The following SLC7A7 variants were observed in gnomAD, a reference collection of about 807,000 sequenced individuals.
SLC7A7 encodes solute carrier family 7 member 7, also known as Y+L amino acid transporter 1.
A neutral mutation model predicts 47.9 loss-of-function variants in SLC7A7; 39 were observed. That is an observed-to-expected ratio of 0.81 (90% CI 0.63 to 1.06). SLC7A7 has a LOEUF of 1.06. Ranked by LOEUF, SLC7A7 falls within the 50% of genes least tolerant of loss-of-function variation. The pLI is 0.00. For synonymous variants in SLC7A7, 234 were observed against 242.8 expected, an observed-to-expected ratio of 0.96 and a Z score of 0.34; for missense variants, 588 against 632.0, an observed-to-expected ratio of 0.93 and a Z score of 0.75.
chr14:22,777,483 G>A (rs1438033085), intron 4 of SLC7A7, among the ~76,000 whole-genome samples: 1 of 152,042 alleles, frequency 6.6e-6, no homozygotes, highest in East Asian at 1.9e-4. Flanking sequence ...CCTAACTGGT[G>A]GGCAAAAGAA....
At chr14:22,785,826 T>C (rs1432220248) in intron 2 of SLC7A7, among the ~76,000 whole-genome samples, 5 of 148,062 alleles carry the variant, frequency 3.4e-5, no homozygotes, top group African/African-American at 1.3e-4. Context: ...ATCAAGACCA[T>C]CCTGGCTAAC....
intron 2 of SLC7A7, among the ~76,000 whole-genome samples, chr14:22,798,302 AAAGAAG>A (rs34641571): frequency 2.0e-5 from 3 of 151,600 alleles, no homozygotes; most frequent in South Asian, 2.1e-4. Context: ...TGTCAAAAAA[AAAGAAG>A]AAGAAGAAGG....
chr14:22,782,543 C>T (rs147604149), intron 2 of SLC7A7, among the ~76,000 whole-genome samples: 2,584 of 151,828 alleles, frequency 0.017, 69 homozygotes, highest in African/African-American at 0.058. Context: ...CTCACTGCAA[C>T]CCCCACTTCC....
At chr14:22,784,336 G>A (rs557494058) in intron 2 of SLC7A7, among the ~76,000 whole-genome samples, 5 of 152,220 alleles carry the variant, frequency 3.3e-5, no homozygotes, top group Admixed American at 6.5e-5. Flanking sequence ...GAAGTCACTC[G>A]TGGCCGGGTG....
intron 2 of SLC7A7, among the ~76,000 whole-genome samples, chr14:22,786,418 G>A (rs546801052): frequency 2.6e-5 from 4 of 152,232 alleles, no homozygotes; most frequent in South Asian, 4.1e-4. Flanking sequence ...GTGGCTTCCA[G>A]ACCCCTCACC....
rs1491190196 is a variant in SLC7A7 at position 22,795,385 on chromosome 14, G to GCTTGCTTGCTTGCTTTTT, written c.500-15335_500-15334insAAAAAGCAAGCAAGCAAG. 2.1e-3 allele frequency among the ~76,000 whole-genome samples: 31 copies of GCTTGCTTGCTTGCTTTTT among 14,496 alleles called. 2 individuals are homozygous for GCTTGCTTGCTTGCTTTTT. Among genetic ancestry groups the GCTTGCTTGCTTGCTTTTT allele is most frequent in the Admixed American group, 5.3e-3 (4 of 754 alleles). 9.5% of individuals were successfully genotyped at this position (14,496 alleles called of 152,430 possible). A position where few individuals can be genotyped will look rare whatever the true frequency, so the allele number is the denominator to read the frequency against. On this transcript the variant is annotated intron_variant, in intron 2 of 9. Transcript: ENST00000674313. ...TGCCCAATCTGAGTATTGCTTGCTT[G>GCTTGCTTGCTTGCTTTTT]CTTTCTTTCTTTCTTTCTTTCTTTC...
upstream of SLC7A7, chr14:22,815,536 C>A (rs754520776): frequency 4.4e-6 from 2 of 454,206 alleles, no homozygotes; most frequent in South Asian, 3.1e-5. Context: ...TATTAAGCAA[C>A]CATCTGGGTC....
intron 2 of SLC7A7, among the ~76,000 whole-genome samples, chr14:22,790,138 G>C (rs1005293940): frequency 5.9e-5 from 9 of 151,906 alleles, no homozygotes; most frequent in Non-Finnish European, 1.3e-4. Flanking sequence ...AAACCAGCCT[G>C]GGCAACATAG....
intron 2 of SLC7A7, among the ~76,000 whole-genome samples, chr14:22,791,246 A>G (rs1159709726): frequency 1.3e-5 from 2 of 152,090 alleles, no homozygotes; most frequent in East Asian, 3.9e-4. Context: ...ATCTCTCCCA[A>G]TCCCTATAAA....
intron 2 of SLC7A7, 101 bp from the exon 3 acceptor site, chr14:22,780,152 C>T: frequency 6.5e-7 from 1 of 1,529,744 alleles, no homozygotes; most frequent in Non-Finnish European, 9.0e-7. Flanking sequence ...ATATATATAC[C>T]CTTCAGCCAA....
At chr14:22,812,827 C>G (rs774847873) in intron 2 of SLC7A7, 73 bp downstream of exon 2, 6 of 1,446,080 alleles carry the variant, frequency 4.1e-6, no homozygotes, top group Non-Finnish European at 5.6e-6. Context: ...CTCCTTCTTA[C>G]TCCCAGACTG....
At chr14:22,807,809 C>G (rs1367811433) in intron 2 of SLC7A7, among the ~76,000 whole-genome samples, 1 of 152,150 alleles carries the variant, frequency 6.6e-6, no homozygotes, top group Admixed American at 6.6e-5. Context: ...CAAAATTCAG[C>G]TCAGACACCA....
At chr14:22,809,463 C>T (rs560597825) in intron 2 of SLC7A7, among the ~76,000 whole-genome samples, 1 of 152,144 alleles carries the variant, frequency 6.6e-6, no homozygotes, top group Non-Finnish European at 1.5e-5. Flanking sequence ...GCCTCAGCCT[C>T]CCAAGTAGCT....
rs375108350 is a variant in SLC7A7 at position 22,773,594 on chromosome 14, G to A, written c.*16C>T. ...CCAGAAACCCCTGCTTTCCACATCA[G>A]GATTCCAGATGGTGTTTAGTTAGAT... On this transcript the variant is annotated 3_prime_UTR_variant, in exon 10 of 10. Transcript: ENST00000674313. 1.2e-6 allele frequency: 2 copies of A among 1,603,574 alleles called. No individual in the cohort carries two copies. The highest frequency in any genetic ancestry group is 1.7e-6 in the Non-Finnish European group (2 of 1,170,362).
chr14:22,811,795 T>C (rs572653118), intron 2 of SLC7A7, among the ~76,000 whole-genome samples: 2 of 143,256 alleles, frequency 1.4e-5, no homozygotes, highest in East Asian at 4.0e-4. Context: ...GAGGTTGCAG[T>C]GAGCTGAGAT....
At chr14:22,776,980 C>CA (rs34004476) in intron 4 of SLC7A7, among the ~76,000 whole-genome samples, 88,944 of 139,684 alleles carry the variant, frequency 0.64, 28,002 homozygotes, top group African/African-American at 0.73. Context: ...AAAAACAAAC[C>CA]AAAAAAAAAA....
intron 2 of SLC7A7, among the ~76,000 whole-genome samples, chr14:22,807,830 G>A (rs139771372): frequency 2.0e-5 from 3 of 152,216 alleles, no homozygotes; most frequent in African/African-American, 7.2e-5. Context: ...TGTTCTCTGC[G>A]ATACCTTCCT....
In SLC7A7 at chr14:22,813,375, T is replaced by C. The variant is rs759701282; in HGVS notation, c.24A>G (p.Glu8=). The stretch of plus-strand genomic sequence containing the variant: ...TTTCCACCTCAGGCTGGGAGGCCAC[T>C]TCATACTCAGTGCTGTCAACCATGG... MVDSTEY[E]VASQPEVETS... The change falls in exon 2 of 10, where the codon GAA becomes GAG. Residue 8 remains glutamate, a synonymous_variant. Transcript: ENST00000674313. 6.8e-6 allele frequency: 11 copies of C among 1,613,152 alleles called. No homozygotes were observed. Among genetic ancestry groups the C allele is most frequent in the Non-Finnish European group, 9.3e-6 (11 of 1,180,020 alleles).
rs1566437973 is a variant in SLC7A7 at position 22,773,387 on chromosome 14, T to TC, written c.*222dup. ...ACCAAGCCCAAACCTGACATGCTCC[T>TC]CCCCACAGTCACCTTCATTGTCCCC... is the stretch of plus-strand genomic sequence containing the variant. On this transcript the variant is annotated 3_prime_UTR_variant, in exon 10 of 10. Coordinates refer to ENST00000674313, the MANE Select transcript of SLC7A7 (RefSeq NM_003982.4). The TC allele has an allele frequency of 1.6e-6, 1 of 633,466 alleles. No individual in the cohort carries two copies. Among genetic ancestry groups the TC allele is most frequent in the Admixed American group, 2.1e-5 (1 of 47,758 alleles). The allele number at this position is 633,466 out of a possible 1,614,324, so 39.2% of individuals were successfully genotyped here.
Sources: gnomAD v4.1 joint callset for allele counts (sites outside exome capture counted in the v4.1 genomes callset) on GRCh38, gnomAD v4.1.1 for gene constraint, MANE v1.5 for transcripts, NCBI Gene and HGNC (gene_info 2026-07-23, HGNC 2026-07-21) for gene names.